XKR7: variants seen among roughly 807,000 people sequenced by gnomAD.
The protein encoded by XKR7 is XK-related protein 7.
In XKR7, 11 loss-of-function variants were observed where a neutral mutation model predicts 42.2. That is an observed-to-expected ratio of 0.26 (90% CI 0.16 to 0.43). XKR7 has a LOEUF of 0.43. Among genes scored for constraint, XKR7 ranks in the 20% least tolerant of loss-of-function variants. The pLI is 1.00. For synonymous variants in XKR7, 346 were observed against 366.4 expected, an observed-to-expected ratio of 0.94 and a Z score of 0.64; for missense variants, 710 against 802.2, an observed-to-expected ratio of 0.89 and a Z score of 1.39.
Position 31,998,823 on chromosome 20 carries a change from G to T in XKR7, c.*1366G>T, listed in dbSNP as rs1451657333. 1 of 152,196 alleles carries T rather than the reference G, an allele frequency of 6.6e-6. No homozygotes were observed. The highest frequency in any genetic ancestry group is 2.4e-5 in the African/African-American group (1 of 41,428). 9.4% of individuals were successfully genotyped at this position (152,196 alleles called of 1,614,324 possible). On this transcript the variant is annotated 3_prime_UTR_variant, in exon 3 of 3. Coordinates refer to ENST00000562532, the MANE Select transcript of XKR7 (RefSeq NM_001011718.2). ...GGAGCGGCATCTGGGAAACTGACTTGTTTTGCCTTAGATCTGATGACTCCC... is the reference window on the plus strand; with the variant it reads ...GGAGCGGCATCTGGGAAACTGACTTTTTTTGCCTTAGATCTGATGACTCCC...
chr20:31,972,595 T>C (rs1043862510), intron 1 of XKR7, among the ~76,000 whole-genome samples: 1 of 152,204 alleles, frequency 6.6e-6, no homozygotes, highest in Non-Finnish European at 1.5e-5. Context: ...CAGTAAGCCA[T>C]GAATCCTGCT....
Position 31,997,666 on chromosome 20 carries a change from T to G in XKR7, c.*209T>G. On this transcript the variant is annotated 3_prime_UTR_variant, in exon 3 of 3. Coordinates refer to ENST00000562532, the MANE Select transcript of XKR7 (RefSeq NM_001011718.2). ...CCCCGTTTTCAGCCTTGTGGCCCAT[T>G]CCCTAAATTCCCCTGACCCAGGGCC... The G allele has an allele frequency of 3.6e-6, 2 of 563,042 alleles. No homozygotes were observed. The highest frequency in any genetic ancestry group is 4.9e-5 in the South Asian group (2 of 40,902). 34.9% of individuals were successfully genotyped at this position (563,042 alleles called of 1,614,324 possible).
In XKR7 at chr20:31,974,054, A is replaced by G. The variant is rs372941522; in HGVS notation, c.584+5295A>G. On this transcript the variant is annotated intron_variant, in intron 1 of 2. Coordinates refer to ENST00000562532, the MANE Select transcript of XKR7 (RefSeq NM_001011718.2). ...CTAAAAATACAAAAATTAGCTGGGC[A>G]TGGTGGTGCGCACCTGTAATCCCAG... Among the ~76,000 whole-genome samples the G allele has an allele frequency of 5.9e-5, 9 of 152,234 alleles. No individual in the cohort carries two copies. The East Asian group carries it at 1.7e-3, about 29-fold the overall frequency.
chr20:31,972,268 T>C, intron 1 of XKR7, among the ~76,000 whole-genome samples: 1 of 152,212 alleles, frequency 6.6e-6, no homozygotes, highest in East Asian at 1.9e-4. Context: ...ATTTATCAGA[T>C]AAGGAACCTT....
chr20:31,996,052 T>C (rs1293992348), intron 2 of XKR7, among the ~76,000 whole-genome samples: 1 of 151,548 alleles, frequency 6.6e-6, no homozygotes, highest in Non-Finnish European at 1.5e-5. Context: ...AGCTCAGCTC[T>C]AGATATTCCT....
intron 1 of XKR7, among the ~76,000 whole-genome samples, chr20:31,989,098 A>G (rs1405408184): frequency 6.6e-6 from 1 of 152,144 alleles, no homozygotes; most frequent in African/African-American, 2.4e-5. Context: ...TTAAGATGAA[A>G]ATAAGACAGG....
intron 1 of XKR7, among the ~76,000 whole-genome samples, chr20:31,977,728 C>A (rs1600656882): frequency 6.6e-6 from 1 of 152,262 alleles, no homozygotes. Context: ...TGTTCTATGG[C>A]TCCAGAGATA....
At chr20:31,976,047 G>A (rs912433290) in intron 1 of XKR7, among the ~76,000 whole-genome samples, 1 of 152,148 alleles carries the variant, frequency 6.6e-6, no homozygotes, top group African/African-American at 2.4e-5. Context: ...CTGTGAAATG[G>A]GCATCATAAC....
rs751877362 is a variant in XKR7 at position 31,996,858 on chromosome 20, C to T, written c.1141C>T (p.Arg381Cys). The T allele has an allele frequency of 1.2e-6, 2 of 1,613,580 alleles. No homozygotes were observed. Among genetic ancestry groups the T allele is most frequent in the African/African-American group, 2.7e-5 (2 of 74,912 alleles). The change falls in exon 3 of 3, where the codon CGC (arginine) becomes TGC (cysteine). Residue 381 changes from arginine to cysteine, a missense_variant. By Grantham distance (180) the Arg-to-Cys change is radical (BLOSUM62 -3). This residue lies in a region of XKR7 where 708 missense variants were observed against 786.2 expected (regional missense o/e 0.90). Transcript: ENST00000562532. ...CWFNVKEGRSRRRMTLYHCIV... is the reference protein window; with the variant it reads ...CWFNVKEGRSCRRMTLYHCIV... ...GTTCAACGTCAAGGAGGGCCGCAGC[C>T]GCCGCCGCATGACCCTCTACCACTG...
rs1365596507 is a variant in XKR7 at position 32,002,654 on chromosome 20, T to A, written c.*5197T>A. 6.6e-6 allele frequency: 1 copy of A among 152,210 alleles called. No homozygotes were observed. Among genetic ancestry groups the A allele is most frequent in the Admixed American group, 6.5e-5 (1 of 15,280 alleles). 9.4% of individuals were successfully genotyped at this position (152,210 alleles called of 1,614,324 possible). ...AGATTTTTCTCCCAAACCAGCCTCA[T>A]TTCTTGAAGAAGAATTCATTTTCCC... On this transcript the variant is annotated 3_prime_UTR_variant, in exon 3 of 3. Coordinates refer to ENST00000562532, the MANE Select transcript of XKR7 (RefSeq NM_001011718.2).
intron 1 of XKR7, among the ~76,000 whole-genome samples, chr20:31,993,416 C>T (rs181739710): frequency 7.2e-5 from 11 of 152,206 alleles, no homozygotes; most frequent in South Asian, 4.2e-4. Flanking sequence ...TAATCCTCAC[C>T]GCCACTTTGG....
At chr20:31,971,830 A>G (rs1224915721) in intron 1 of XKR7, among the ~76,000 whole-genome samples, 1 of 152,220 alleles carries the variant, frequency 6.6e-6, no homozygotes, top group Non-Finnish European at 1.5e-5. Context: ...GGGGTGTCAG[A>G]CAAGAGGACA....
chr20:31,979,067 G>A (rs1410038555), intron 1 of XKR7, among the ~76,000 whole-genome samples: 4 of 151,712 alleles, frequency 2.6e-5, no homozygotes, highest in African/African-American at 4.8e-5. Flanking sequence ...CCTGGGAGGC[G>A]GAGGTTGCAG....
chr20:31,992,066 G>T (rs1400171231), intron 1 of XKR7, among the ~76,000 whole-genome samples: 1 of 151,768 alleles, frequency 6.6e-6, no homozygotes, highest in African/African-American at 2.4e-5. Flanking sequence ...GTGGTGAGCC[G>T]AGATCACACC....
In XKR7 at chr20:31,969,232, T is replaced by C. The variant is rs2064452912; in HGVS notation, c.584+473T>C. Among the ~76,000 whole-genome samples, 4 of 151,928 alleles carry C rather than the reference T, an allele frequency of 2.6e-5. No homozygotes were observed. In the South Asian group the frequency reaches 8.3e-4, roughly 32 times the overall value. The stretch of plus-strand genomic sequence containing the variant: ...GCTCATTCACAACCTGCAAGGAGAG[T>C]CACAGAATTTGAGACAGCTAAATGA... On this transcript the variant is annotated intron_variant, in intron 1 of 2. Coordinates refer to ENST00000562532, the MANE Select transcript of XKR7 (RefSeq NM_001011718.2).
intron 1 of XKR7, among the ~76,000 whole-genome samples, chr20:31,985,828 C>T (rs1427054424): frequency 3.8e-5 from 5 of 132,318 alleles, no homozygotes. Context: ...GCAGACCCAG[C>T]ATCCAAAACA....
Position 31,997,177 on chromosome 20 carries a change from C to A in XKR7, c.1460C>A (p.Ala487Asp), listed in dbSNP as rs553410579. Residue 487 changes from alanine to aspartate, a missense_variant, in exon 3 of 3, where the codon GCC becomes GAC. By Grantham distance (126) the Ala-to-Asp change is moderately radical (BLOSUM62 -2). Around this residue, in one of 2 missense-constraint regions of XKR7, gnomAD observed 708 missense variants for 786.2 expected, o/e 0.90. Transcript: ENST00000562532. ...PRTTGAERDG[A>D]SAGERAGTPT... ...ACTACAGGTGCTGAGCGGGATGGGGCCTCGGCGGGAGAGCGTGCAGGGACC... is the reference window on the plus strand; with the variant it reads ...ACTACAGGTGCTGAGCGGGATGGGGACTCGGCGGGAGAGCGTGCAGGGACC... 2.2e-5 allele frequency: 35 copies of A among 1,610,254 alleles called. No individual in the cohort carries two copies. The highest frequency in any genetic ancestry group is 3.0e-5 in the Non-Finnish European group (35 of 1,179,978).
chr20:31,995,389 C>G lies in XKR7; in HGVS notation c.787+119C>G, dbSNP rs2064586972. On this transcript the variant is annotated intron_variant, in intron 2 of 2. Transcript: ENST00000562532. The surrounding 1 kb of genome is among the most constrained non-coding windows in gnomAD (Gnocchi z 4.1). ...CACCCCAGCTCAGGGCTCACTCAGT[C>G]AGGGTTTAGGGAGGCCTGCCCCTTC... 2 of 1,488,086 alleles carry G rather than the reference C, an allele frequency of 1.3e-6. No individual in the cohort carries two copies. Among genetic ancestry groups the G allele is most frequent in the Admixed American group, 2.4e-5 (1 of 41,504 alleles). 92.2% of individuals were successfully genotyped at this position (1,488,086 alleles called of 1,614,324 possible). A position where few individuals can be genotyped will look rare whatever the true frequency, so the allele number is the denominator to read the frequency against.
intron 1 of XKR7, among the ~76,000 whole-genome samples, chr20:31,987,908 G>A (rs1425257336): frequency 2.0e-5 from 3 of 152,206 alleles, no homozygotes; most frequent in Non-Finnish European, 4.4e-5. Context: ...TTTTGGAACT[G>A]AGCCAGGGAC....
Sources: gnomAD v4.1 joint callset for allele counts (sites outside exome capture counted in the v4.1 genomes callset) on GRCh38, gnomAD v4.1.1 for gene constraint, gnomAD v4.1.1 regional missense constraint, Gnocchi (gnomAD v3.1) non-coding constraint, MANE v1.5 for transcripts, NCBI Gene and HGNC (gene_info 2026-07-23, HGNC 2026-07-21) for gene names.